PHKB: variants seen among roughly 807,000 people sequenced by gnomAD.
The protein encoded by PHKB is phosphorylase kinase regulatory subunit beta.
PHKB carries 122 observed loss-of-function variants against 152.1 expected under a neutral mutation model. The ratio of observed to expected loss-of-function variants is 0.80; its 90% CI spans 0.69 to 0.93. PHKB has a LOEUF of 0.93. PHKB is among the 40% of genes least tolerant of loss of function. PHKB has a pLI of 0.00. For synonymous variants in PHKB, 436 were observed against 464.9 expected (o/e 0.94, Z 0.80); for missense variants, 1,304 against 1,328.4 (o/e 0.98, Z 0.29).
At chr16:47,463,850 A>G (rs1011786472) in intron 1 of PHKB, 3 of 1,336,094 alleles carry the variant, frequency 2.2e-6, no homozygotes, top group African/African-American at 2.9e-5. Flanking sequence ...CAATTAATTT[A>G]ACACTGATTG....
At chr16:47,610,743 T>G in intron 13 of PHKB, 83 bp from the exon 14 acceptor site, 1 of 781,904 alleles carries the variant, frequency 1.3e-6, no homozygotes. Context: ...CTTCTCTTGT[T>G]GGAGTATTTT....
chr16:47,589,661 C>A (rs1241943471), intron 10 of PHKB, among the ~76,000 whole-genome samples: 2 of 152,142 alleles, frequency 1.3e-5, no homozygotes, highest in Admixed American at 6.5e-5. Flanking sequence ...ACATATACCA[C>A]TATATGTAGT....
chr16:47,481,212 T>C (rs1400825007), intron 1 of PHKB, among the ~76,000 whole-genome samples: 1 of 152,250 alleles, frequency 6.6e-6, no homozygotes, highest in Non-Finnish European at 1.5e-5. Context: ...TAGCTCTGAA[T>C]AGTCATGCTT....
At chr16:47,547,910 A>G in intron 7 of PHKB, 1 of 309,956 alleles carries the variant, frequency 3.2e-6, no homozygotes, top group Middle Eastern at 1.1e-3. Flanking sequence ...TTCAAACACC[A>G]GTTGTATATG....
chr16:47,637,960 T>G (rs1418074207), intron 14 of PHKB, among the ~76,000 whole-genome samples: 1 of 152,016 alleles, frequency 6.6e-6, no homozygotes, highest in African/African-American at 2.4e-5. Context: ...ATGGAAAGGG[T>G]GCAGGGCCTC....
At chr16:47,499,025 TTG>T (rs1230484855) in intron 2 of PHKB, among the ~76,000 whole-genome samples, 2 of 152,212 alleles carry the variant, frequency 1.3e-5, no homozygotes, top group Non-Finnish European at 2.9e-5. Flanking sequence ...ATTTTAGTGT[TTG>T]TGTTTTCCTA....
intron 7 of PHKB, chr16:47,547,916 A>G: frequency 3.5e-6 from 1 of 283,932 alleles, no homozygotes; most frequent in Non-Finnish European, 6.8e-6. Flanking sequence ...CACCAGTTGT[A>G]TATGCACTGA....
chr16:47,647,943 C>A (rs913335262), intron 16 of PHKB, among the ~76,000 whole-genome samples: 6 of 152,110 alleles, frequency 3.9e-5, no homozygotes, highest in African/African-American at 1.4e-4. Flanking sequence ...TTTTAAGAGT[C>A]TTTAACCCTA....
chr16:47,589,869 C>G (rs1361609648), intron 10 of PHKB, among the ~76,000 whole-genome samples: 1 of 152,168 alleles, frequency 6.6e-6, no homozygotes, highest in Non-Finnish European at 1.5e-5. Flanking sequence ...ACTGTAACCT[C>G]CACCTCCTGG....
rs547358437 is a variant in PHKB at position 47,681,421 on chromosome 16, C to G, written c.2631-7620C>G. On this transcript the variant is annotated intron_variant, in intron 26 of 30. Coordinates refer to ENST00000323584, the MANE Select transcript of PHKB (RefSeq NM_000293.3). ...TGGGAGTCTAAGTCTCTTTGTAGGT[C>G]ACTAAGGACTTGCTTTATGAAACTG... Among the ~76,000 whole-genome samples, 73 of 148,628 alleles carry G rather than the reference C, an allele frequency of 4.9e-4. 2 individuals carry two copies. Among genetic ancestry groups the G allele is most frequent in the African/African-American group, 1.7e-3 (69 of 41,168 alleles).
chr16:47,488,901 T>G (rs1970096807), intron 1 of PHKB, among the ~76,000 whole-genome samples: 2 of 152,324 alleles, frequency 1.3e-5, no homozygotes, highest in African/African-American at 4.8e-5. Context: ...GCTTTGTTCT[T>G]TTCTTAGGAT....
intron 1 of PHKB, among the ~76,000 whole-genome samples, chr16:47,476,702 A>T (rs28566542): frequency 1.3e-5 from 2 of 151,952 alleles, no homozygotes; most frequent in Admixed American, 1.3e-4. Context: ...TTCCTCCCTT[A>T]TGCATTACTG....
At chr16:47,566,694 A>G (rs1971573370) in intron 7 of PHKB, 1 of 802,600 alleles carries the variant, frequency 1.2e-6, no homozygotes, top group Admixed American at 1.7e-5. Context: ...GGAACGGTCA[A>G]TTGGAGGTGC....
At chr16:47,509,301 G>T (rs1160571008) in intron 4 of PHKB, among the ~76,000 whole-genome samples, 3 of 152,162 alleles carry the variant, frequency 2.0e-5, no homozygotes, top group African/African-American at 7.2e-5. Context: ...ATTAACACCA[G>T]ATGGCTTTGT....
chr16:47,689,026 C>T lies in PHKB; in HGVS notation c.2631-15C>T, dbSNP rs768598010. ...TCAAGAGTTATTGATTCATGCTTCC[C>T]CTGTTTTGTTTCAGGTGGATCATCC... On this transcript the variant is annotated splice_polypyrimidine_tract_variant and intron_variant, in intron 26 of 30. Coordinates refer to ENST00000323584, the MANE Select transcript of PHKB (RefSeq NM_000293.3). The T allele has an allele frequency of 5.6e-6, 9 of 1,613,604 alleles. No individual in the cohort carries two copies. Among genetic ancestry groups the T allele is most frequent in the African/African-American group, 1.3e-5 (1 of 74,862 alleles).
At position 47,547,499 on chromosome 16, in the gene PHKB, T is replaced by G. The variant is rs777339972; in HGVS notation, c.661T>G (p.Trp221Gly). 3 of 1,613,082 alleles carry G rather than the reference T, an allele frequency of 1.9e-6. No individual in the cohort carries two copies. Among genetic ancestry groups the G allele is most frequent in the Admixed American group, 3.3e-5 (2 of 59,984 alleles). ...TTACCGTGTGCCTGACTTTGGTGTCTGGGAAAGAGGAAGCAAATATAATAA... is the reference window on the plus strand; with the variant it reads ...TTACCGTGTGCCTGACTTTGGTGTCGGGGAAAGAGGAAGCAAATATAATAA... ...RVYRVPDFGV[W>G]ERGSKYNNGS... Residue 221 changes from tryptophan (W) to glycine (G), a missense_variant, in exon 7 of 31, where the codon TGG becomes GGG. Coordinates refer to ENST00000323584, the MANE Select transcript of PHKB (RefSeq NM_000293.3).
Position 47,662,509 on chromosome 16 carries a change from C to T in PHKB, c.2278+709C>T, listed in dbSNP as rs138034399. On this transcript the variant is annotated intron_variant, in intron 23 of 30. Transcript: ENST00000323584. ...GAGGTGTGTGTTGATATGGTTAGAA[C>T]TGAAAAACAGCAGTGGAATTAATAA... Among the ~76,000 whole-genome samples, 1,137 of 152,274 alleles carry T rather than the reference C, an allele frequency of 7.5e-3. 19 individuals are homozygous for T. Among genetic ancestry groups the T allele is most frequent in the African/African-American group, 0.026 (1,079 of 41,538 alleles).
At chr16:47,505,885 T>C (rs1016491821) in intron 4 of PHKB, among the ~76,000 whole-genome samples, 1 of 150,702 alleles carries the variant, frequency 6.6e-6, no homozygotes, top group Non-Finnish European at 1.5e-5. Flanking sequence ...ATACAAAAAT[T>C]AGCCAGATTT....
chr16:47,562,166 T>C (rs1365915940), intron 7 of PHKB: 3 of 152,186 alleles, frequency 2.0e-5, no homozygotes, highest in Non-Finnish European at 4.4e-5. Context: ...TGAGGATGGC[T>C]CATTTTAATT....
Sources: allele counts gnomAD v4.1 joint callset (sites outside exome capture counted in the v4.1 genomes callset), GRCh38; gene constraint gnomAD v4.1.1; transcripts MANE v1.5; gene names NCBI Gene and HGNC (gene_info 2026-07-23, HGNC 2026-07-21).